Variants in ADCY2 observed in about 807,000 individuals in gnomAD.
ADCY2 encodes adenylate cyclase type 2.
In ADCY2, 31 loss-of-function variants were observed where a neutral mutation model predicts 125.2. The observed-to-expected ratio is 0.25, with a 90% CI of 0.19 to 0.33. The LOEUF (loss-of-function observed/expected upper bound fraction) is 0.33, where lower values mean the gene tolerates loss of function less well. ADCY2 is among the 10% of genes least tolerant of loss of function. ADCY2 has a pLI of 1.00. For missense variants in ADCY2, 904 were observed against 1,418.2 expected (o/e 0.64, Z 5.82); for synonymous variants, 512 against 548.4 (o/e 0.93, Z 0.93).
At chr5:7,747,315 A>G (rs1477298514) in intron 15 of ADCY2, among the ~76,000 whole-genome samples, 1 of 152,224 alleles carries the variant, frequency 6.6e-6, no homozygotes, top group Middle Eastern at 3.2e-3. Flanking sequence ...CCTCCATCAT[A>G]TAAGATCTCA....
rs764730441 is a variant in ADCY2, at chr5:7,763,901, C to A, written c.2095-2786C>A. On this transcript the variant is annotated intron_variant, in intron 16 of 24. Coordinates refer to ENST00000338316, the MANE Select transcript of ADCY2 (RefSeq NM_020546.3). Reference sequence around the variant, plus strand: ...AGTAACATGTGACGGCTTGAGGCTGCCCTGACCTGTCCCTGCTGTTGACTG... The same window carrying A: ...AGTAACATGTGACGGCTTGAGGCTGACCTGACCTGTCCCTGCTGTTGACTG... Among the ~76,000 whole-genome samples the A allele has an allele frequency of 3.9e-5, 6 of 152,252 alleles. No individual in the cohort carries two copies. The East Asian group carries it at 1.2e-3, about 29-fold the overall frequency.
chr5:7,603,794 T>TC (rs1247031784), intron 3 of ADCY2, among the ~76,000 whole-genome samples: 1 of 142,658 alleles, frequency 7.0e-6, no homozygotes, highest in Non-Finnish European at 1.5e-5. Flanking sequence ...CTTTTTTTTT[T>TC]TTTTTTTTTT....
intron 24 of ADCY2, among the ~76,000 whole-genome samples, chr5:7,822,237 C>T (rs1020733239): frequency 2.0e-5 from 3 of 152,190 alleles, no homozygotes; most frequent in Admixed American, 1.3e-4. Context: ...ATATTTATAG[C>T]AAAAGCCATT....
At chr5:7,428,899 C>T (rs1740486530) in intron 2 of ADCY2, among the ~76,000 whole-genome samples, 1 of 152,082 alleles carries the variant, frequency 6.6e-6, no homozygotes, top group Non-Finnish European at 1.5e-5. Context: ...AGGGAGGGGA[C>T]CCAAACAGAG....
At chr5:7,467,726 C>A (rs959683169) in intron 2 of ADCY2, among the ~76,000 whole-genome samples, 1 of 152,110 alleles carries the variant, frequency 6.6e-6, no homozygotes, top group African/African-American at 2.4e-5. Context: ...TGTCATATTC[C>A]TCTCTCTCTA....
At chr5:7,523,089 G>A (rs1284661589) in intron 3 of ADCY2, among the ~76,000 whole-genome samples, 1 of 152,040 alleles carries the variant, frequency 6.6e-6, no homozygotes, top group Non-Finnish European at 1.5e-5. Flanking sequence ...TATCCTTTCT[G>A]CTCCTTCAGG....
At chr5:7,815,642 G>C (rs961148461) in intron 22 of ADCY2, among the ~76,000 whole-genome samples, 1 of 152,136 alleles carries the variant, frequency 6.6e-6, no homozygotes, top group Non-Finnish European at 1.5e-5. Context: ...AATATAAACA[G>C]GTAACAGGAA....
At chr5:7,694,742 G>T (rs974042796) in intron 5 of ADCY2, among the ~76,000 whole-genome samples, 4 of 152,178 alleles carry the variant, frequency 2.6e-5, no homozygotes, top group African/African-American at 9.7e-5. Context: ...GAACATTCAT[G>T]TACAAATATC....
intron 21 of ADCY2, 94 bp from the exon 22 acceptor site, chr5:7,804,491 T>G: frequency 1.0e-6 from 1 of 969,198 alleles, no homozygotes; most frequent in Non-Finnish European, 1.7e-6. Flanking sequence ...GTCACGGCAT[T>G]ACTGTGAACC....
chr5:7,648,732 A>G (rs985293419), intron 4 of ADCY2, among the ~76,000 whole-genome samples: 2 of 152,246 alleles, frequency 1.3e-5, no homozygotes, highest in African/African-American at 4.8e-5. Context: ...ATCATTTTGT[A>G]TCATTTAATA....
chr5:7,614,171 A>G (rs1561125876), intron 3 of ADCY2, among the ~76,000 whole-genome samples: 2 of 152,244 alleles, frequency 1.3e-5, no homozygotes, highest in Non-Finnish European at 2.9e-5. Context: ...GAGACCCCAG[A>G]TCACAATGAA....
Position 7,766,685 on chromosome 5 carries a change from A to G in ADCY2, c.2095-2A>G. 1 of 1,609,734 alleles carries G rather than the reference A, an allele frequency of 6.2e-7. No individual in the cohort carries two copies. Among genetic ancestry groups the G allele is most frequent in the Non-Finnish European group, 8.5e-7 (1 of 1,178,926 alleles). Reference sequence around the variant, plus strand: ...TCATTGAAAAAAACCTTCTCTTTGCAGTTTTTCCTGAGTGACTCAGAGGAA... The same window carrying G: ...TCATTGAAAAAAACCTTCTCTTTGCGGTTTTTCCTGAGTGACTCAGAGGAA... On this transcript the variant is annotated splice_acceptor_variant, in intron 16 of 24. Transcript: ENST00000338316. LOFTEE classifies it high-confidence loss of function.
At chr5:7,692,487 A>T (rs1454247517) in intron 5 of ADCY2, among the ~76,000 whole-genome samples, 1 of 152,220 alleles carries the variant, frequency 6.6e-6, no homozygotes, top group Non-Finnish European at 1.5e-5. Flanking sequence ...CATGTTAAGG[A>T]GTAAAATTAT....
chr5:7,529,454 C>T (rs1224714354), intron 3 of ADCY2, among the ~76,000 whole-genome samples: 1 of 152,156 alleles, frequency 6.6e-6, no homozygotes, highest in Non-Finnish European at 1.5e-5. Context: ...TAATGTGCAT[C>T]AATTTTTACC....
At chr5:7,558,962 G>GTTTGTCAAAGATCAGA (rs1332186326) in intron 3 of ADCY2, among the ~76,000 whole-genome samples, 1 of 152,012 alleles carries the variant, frequency 6.6e-6, no homozygotes, top group Admixed American at 6.6e-5. Context: ...TTTTTGTCAG[G>GTTTGTCAAAGATCAGA]TTTGTCAAAG....
At chr5:7,409,242 G>A (rs375995796) in intron 1 of ADCY2, among the ~76,000 whole-genome samples, 5 of 152,112 alleles carry the variant, frequency 3.3e-5, no homozygotes, top group African/African-American at 1.2e-4. Context: ...GAGGGTGGAG[G>A]GTGGGAGGAG....
Position 7,642,917 on chromosome 5 carries a change from T to G in ADCY2, c.720+16601T>G, listed in dbSNP as rs144659802. On this transcript the variant is annotated intron_variant, in intron 4 of 24. Coordinates refer to ENST00000338316, the MANE Select transcript of ADCY2 (RefSeq NM_020546.3). The stretch of plus-strand genomic sequence containing the variant: ...ACAAGCAGGCACTAAGGGAATTCGT[T>G]ACCATTAGACCAGCCTTTCAAGAGC... Among the ~76,000 whole-genome samples, 139 of 152,232 alleles carry G rather than the reference T, an allele frequency of 9.1e-4. No individual in the cohort carries two copies. In the East Asian group the frequency reaches 0.02, roughly 22 times the overall value.
chr5:7,720,182 C>T (rs1274626607), intron 12 of ADCY2, among the ~76,000 whole-genome samples: 1 of 152,086 alleles, frequency 6.6e-6, no homozygotes, highest in Non-Finnish European at 1.5e-5. Context: ...TCTTCTCTCC[C>T]CTCCACTGAT....
intron 4 of ADCY2, among the ~76,000 whole-genome samples, chr5:7,636,745 G>A (rs1029201472): frequency 6.6e-6 from 1 of 152,212 alleles, no homozygotes; most frequent in Non-Finnish European, 1.5e-5. Context: ...GGCCAACATA[G>A]TCACATGCTG....
Sources: allele counts gnomAD v4.1 joint callset (sites outside exome capture counted in the v4.1 genomes callset), GRCh38; gene constraint gnomAD v4.1.1; transcripts MANE v1.5; gene names NCBI Gene and HGNC (gene_info 2026-07-23, HGNC 2026-07-21).